Variants in SEL1L3 observed in about 807,000 individuals in gnomAD.
The protein encoded by SEL1L3 is protein sel-1 homolog 3.
A neutral mutation model predicts 142.8 loss-of-function variants in SEL1L3; 76 were observed. The observed-to-expected ratio is 0.53, with a 90% CI of 0.44 to 0.64. The LOEUF is 0.64. Ranked by LOEUF, SEL1L3 falls within the 30% of genes least tolerant of loss-of-function variation. The pLI, the probability that SEL1L3 is intolerant of heterozygous loss-of-function variation, is 0.00. For missense variants in SEL1L3, 1,262 were observed against 1,381.7 expected, an observed-to-expected ratio of 0.91 and a Z score of 1.37; for synonymous variants, 504 against 519.6, an observed-to-expected ratio of 0.97 and a Z score of 0.41.
chr4:25,769,678 A>G (rs1461030097), intron 17 of SEL1L3, among the ~76,000 whole-genome samples: 2 of 152,154 alleles, frequency 1.3e-5, no homozygotes, highest in African/African-American at 4.8e-5. Flanking sequence ...TTCTTTAGAG[A>G]CACTCTGGCC....
the SEL1L3 span, among the ~76,000 whole-genome samples, chr4:25,737,896 T>C: frequency 6.6e-6 from 1 of 151,848 alleles, no homozygotes; most frequent in South Asian, 2.1e-4. Flanking sequence ...TTGCCTTTTT[T>C]TTTGTTTGTT....
chr4:25,804,536 T>C lies in SEL1L3; in HGVS notation c.1776+5A>G. 1 of 1,597,690 alleles carries C rather than the reference T, an allele frequency of 6.3e-7. No homozygotes were observed. The highest frequency in any genetic ancestry group is 8.6e-7 in the Non-Finnish European group (1 of 1,168,226). ...TGATGTTAATGGAGCAATGAAATAC[T>C]CTACCTGCAGCTGATCCCGAGGAAC... On this transcript the variant is annotated splice_donor_5th_base_variant and intron_variant, in intron 10 of 23. Transcript: ENST00000399878.
intron 20 of SEL1L3, chr4:25,759,987 C>G (rs772808058): frequency 6.6e-6 from 1 of 152,056 alleles, no homozygotes; most frequent in Non-Finnish European, 1.5e-5. Flanking sequence ...TATTTTGTTA[C>G]GTGTTATGGG....
chr4:25,791,820 C>T (rs544119878), intron 11 of SEL1L3, among the ~76,000 whole-genome samples: 20 of 151,500 alleles, frequency 1.3e-4, no homozygotes, highest in South Asian at 2.1e-4. Context: ...GGCTGAGGCA[C>T]GAGAATCGCT....
intron 23 of SEL1L3, among the ~76,000 whole-genome samples, chr4:25,755,161 G>A (rs1343255679): frequency 2.6e-5 from 4 of 152,086 alleles, no homozygotes; most frequent in Non-Finnish European, 4.4e-5. Flanking sequence ...ATAGCTCACT[G>A]CAGCCTTGAA....
chr4:25,850,806 G>A (rs567944044), intron 1 of SEL1L3, among the ~76,000 whole-genome samples: 3 of 151,758 alleles, frequency 2.0e-5, no homozygotes, highest in African/African-American at 7.3e-5. Flanking sequence ...TTTCTGTCTG[G>A]TTTTTTTGTT....
Position 25,749,905 on chromosome 4 carries a change from T to C in SEL1L3, c.3260-1341A>G, listed in dbSNP as rs1472453395. Among the ~76,000 whole-genome samples the C allele has an allele frequency of 2.6e-5, 4 of 152,118 alleles. No homozygotes were observed. In the East Asian group the frequency reaches 7.7e-4, roughly 29 times the overall value. On this transcript the variant is annotated intron_variant, in intron 23 of 23. Coordinates refer to ENST00000399878, the MANE Select transcript of SEL1L3 (RefSeq NM_015187.5). ...CGCGACATGTGAAAAATATATGAAA[T>C]TCAAATTTTGCATCCATAGTAAAGA...
intron 2 of SEL1L3, among the ~76,000 whole-genome samples, chr4:25,837,268 C>A (rs1420412381): frequency 6.7e-6 from 1 of 148,580 alleles, no homozygotes; most frequent in East Asian, 2.0e-4. Context: ...CAGAAGAGAC[C>A]AGATGGCCAC....
chr4:25,786,681 A>G (rs974467252), intron 13 of SEL1L3, among the ~76,000 whole-genome samples: 4 of 152,174 alleles, frequency 2.6e-5, no homozygotes, highest in African/African-American at 9.7e-5. Context: ...ATGCATCCAT[A>G]TGCCCCTCCA....
intron 9 of SEL1L3, among the ~76,000 whole-genome samples, chr4:25,808,610 G>T (rs901784249): frequency 6.6e-6 from 1 of 151,996 alleles, no homozygotes; most frequent in Non-Finnish European, 1.5e-5. Context: ...CAAGGTAGAA[G>T]TTTGAAAGGG....
the SEL1L3 span, among the ~76,000 whole-genome samples, chr4:25,716,697 T>C: frequency 1.3e-3 from 192 of 152,308 alleles, no homozygotes; most frequent in African/African-American, 4.1e-3. Flanking sequence ...ACACGTAAGC[T>C]GGAGTTGAAA....
rs1172880058 is a variant in SEL1L3, at chr4:25,757,692, G to A, written c.3182C>T (p.Ala1061Val). Residue 1061 changes from alanine (A) to valine (V), a missense_variant, in exon 22 of 24, where the codon GCC (alanine) becomes GTC (valine). Coordinates refer to ENST00000399878, the MANE Select transcript of SEL1L3 (RefSeq NM_015187.5). The stretch of plus-strand genomic sequence containing the variant: ...CCGGTGGGACATGAAACCTACCAGG[G>A]CTGAGTGCAGGATAGCACCCCAGAG... ...RLLWGAILHS[A>V]LIYFLGTFLL... 6.3e-7 allele frequency: 1 copy of A among 1,587,848 alleles called. No individual in the cohort carries two copies. Among genetic ancestry groups the A allele is most frequent in the Admixed American group, 1.8e-5 (1 of 55,980 alleles).
At chr4:25,731,168 A>G in the SEL1L3 span, among the ~76,000 whole-genome samples, 2 of 152,218 alleles carry the variant, frequency 1.3e-5, no homozygotes, top group Non-Finnish European at 2.9e-5. Context: ...TACAAATATT[A>G]TCTCCTGTTT....
chr4:25,858,119 T>C (rs1717390486), intron 1 of SEL1L3, among the ~76,000 whole-genome samples: 1 of 152,266 alleles, frequency 6.6e-6, no homozygotes, highest in Admixed American at 6.5e-5. Flanking sequence ...ATTTACGGTC[T>C]ACTCCAGTCT....
chr4:25,770,023 G>A (rs62411791), intron 17 of SEL1L3, among the ~76,000 whole-genome samples: 18,140 of 152,136 alleles, frequency 0.12, 1,275 homozygotes, highest in South Asian at 0.24. Flanking sequence ...AGCCACTCGG[G>A]AGGCTGAAGC....
At chr4:25,771,615 A>G (rs1382258515) in intron 17 of SEL1L3, among the ~76,000 whole-genome samples, 5 of 152,140 alleles carry the variant, frequency 3.3e-5, no homozygotes, top group African/African-American at 9.7e-5. Context: ...CCCCAGCTCT[A>G]TTGCAAAAAG....
In SEL1L3 at chr4:25,804,528, T is replaced by G. The variant is rs762237812; in HGVS notation, c.1776+13A>C. On this transcript the variant is annotated intron_variant, in intron 10 of 23. Coordinates refer to ENST00000399878, the MANE Select transcript of SEL1L3 (RefSeq NM_015187.5). ...CAAGTGACTGATGTTAATGGAGCAA[T>G]GAAATACTCTACCTGCAGCTGATCC... is the stretch of plus-strand genomic sequence containing the variant. The G allele has an allele frequency of 6.3e-7, 1 of 1,582,020 alleles. No individual in the cohort carries two copies. Among genetic ancestry groups the G allele is most frequent in the South Asian group, 1.1e-5 (1 of 88,598 alleles).
chr4:25,754,616 T>A (rs1717833547), intron 23 of SEL1L3, among the ~76,000 whole-genome samples: 1 of 152,060 alleles, frequency 6.6e-6, no homozygotes, highest in Admixed American at 6.6e-5. Flanking sequence ...TTTTTTTTTA[T>A]ACTTTTCGGC....
intron 19 of SEL1L3, among the ~76,000 whole-genome samples, chr4:25,766,451 A>G (rs1050060165): frequency 9.9e-5 from 15 of 152,108 alleles, no homozygotes; most frequent in Admixed American, 9.8e-4. Context: ...AAAAAAAAAA[A>G]AAAAAGGGTG....
Sources: gnomAD v4.1 joint callset for allele counts (sites outside exome capture counted in the v4.1 genomes callset) on GRCh38, gnomAD v4.1.1 for gene constraint, MANE v1.5 for transcripts, NCBI Gene and HGNC (gene_info 2026-07-23, HGNC 2026-07-21) for gene names.